Variants in PROM1 observed in about 807,000 individuals in gnomAD.
The protein encoded by PROM1 is prominin 1.
In PROM1, 105 loss-of-function variants were observed where a neutral mutation model predicts 116.9. That is an observed-to-expected ratio of 0.90 (90% CI 0.77 to 1.06). PROM1 has a LOEUF of 1.06. Ranked by LOEUF, PROM1 falls within the 50% of genes least tolerant of loss-of-function variation. PROM1 has a pLI of 0.00. For synonymous variants in PROM1, 393 were observed against 387.0 expected (o/e 1.02, Z -0.18); for missense variants, 1,122 against 1,045.2 (o/e 1.07, Z -1.01).
rs375443778 is a variant in PROM1, at chr4:15,993,969, A to G, written c.1767+18T>C. 1.6e-5 allele frequency: 25 copies of G among 1,609,986 alleles called. No homozygotes were observed. The African/African-American group carries it at 2.7e-4, about 17-fold the overall frequency. ...TGAAGGAATGTGTTATGTCGATTCC[A>G]TGACGAGTTCTAATTACCTCATTAA... On this transcript the variant is annotated intron_variant, in intron 16 of 27. Coordinates refer to ENST00000447510, the MANE Select transcript of PROM1 (RefSeq NM_006017.3).
Position 16,009,098 on chromosome 4 carries a change from C to G in PROM1, c.1152G>C (p.Arg384Ser), listed in dbSNP as rs201748228. Reference protein sequence around the residue: ...QTTTVVAGIKRVLNSIGSDID... With the variant: ...QTTTVVAGIKSVLNSIGSDID... ...TATCTGAACCAATGGAATTCAAGACCCTTTTGATACCTGAAAACAAAGATA... is the reference window on the plus strand; with the variant it reads ...TATCTGAACCAATGGAATTCAAGACGCTTTTGATACCTGAAAACAAAGATA... The change falls in exon 12 of 28, where the codon AGG (arginine) becomes AGC (serine). Residue 384 changes from arginine (R) to serine (S), a missense_variant. By Grantham distance (110) the Arg-to-Ser change is moderately radical. Transcript: ENST00000447510. The G allele has an allele frequency of 5.1e-5, 82 of 1,612,154 alleles. No homozygotes were observed. In the Admixed American group the frequency reaches 9.0e-4, roughly 18 times the overall value.
chr4:16,015,710 A>G (rs1211350496), intron 10 of PROM1, among the ~76,000 whole-genome samples: 1 of 151,920 alleles, frequency 6.6e-6, no homozygotes, highest in Non-Finnish European at 1.5e-5. Context: ...ACAAAACAAA[A>G]CAAAAAAACA....
At chr4:16,028,253 AT>A (rs1731817046) in intron 5 of PROM1, among the ~76,000 whole-genome samples, 1 of 152,252 alleles carries the variant, frequency 6.6e-6, no homozygotes, top group African/African-American at 2.4e-5. Context: ...TAAATTTTGT[AT>A]TTAAATTCTA....
At chr4:16,065,177 G>C (rs1419039527) in intron 2 of PROM1, among the ~76,000 whole-genome samples, 1 of 152,144 alleles carries the variant, frequency 6.6e-6, no homozygotes, top group Non-Finnish European at 1.5e-5. Context: ...GCAGCACCCT[G>C]ACGGCATGAC....
intron 8 of PROM1, among the ~76,000 whole-genome samples, chr4:16,019,326 A>G (rs961248367): frequency 6.6e-6 from 1 of 152,218 alleles, no homozygotes; most frequent in African/African-American, 2.4e-5. Flanking sequence ...TTGAATTTTG[A>G]ATTTTGAACT....
intron 1 of PROM1, chr4:16,076,557 G>T (rs551507901): frequency 6.6e-6 from 1 of 152,506 alleles, no homozygotes; most frequent in African/African-American, 2.4e-5. Context: ...AAGGTCACAG[G>T]TGATTAACCA....
At chr4:16,082,140 T>C (rs1456145679) in intron 1 of PROM1, 1 of 152,198 alleles carries the variant, frequency 6.6e-6, no homozygotes, top group African/African-American at 2.4e-5. Flanking sequence ...GGGGTCTGTC[T>C]GCTTCTGCTA....
At chr4:16,069,452 T>C (rs1348456503) in intron 2 of PROM1, among the ~76,000 whole-genome samples, 1 of 152,204 alleles carries the variant, frequency 6.6e-6, no homozygotes, top group Non-Finnish European at 1.5e-5. Context: ...ATGCATACTT[T>C]TAACGTGCAA....
chr4:16,016,169 T>C lies in PROM1; in HGVS notation c.1074A>G (p.Gln358=), dbSNP rs1256458534. ...TGTATTTTTTCCAAAAGCATACCTG[T>C]TGGACCAGGCCATCCAAATCTGTCC... The part of the protein sequence containing the change: ...VLRTDLDGLV[Q]QGYQSLNDIP... Residue 358 remains glutamine (Q), a synonymous_variant, in exon 10 of 28, where the codon CAA becomes CAG. Transcript: ENST00000447510. 6.4e-7 allele frequency: 1 copy of C among 1,553,970 alleles called. No homozygotes were observed. Among genetic ancestry groups the C allele is most frequent in the Non-Finnish European group, 8.7e-7 (1 of 1,147,882 alleles).
At chr4:16,036,870 T>C (rs577994808) in intron 3 of PROM1, among the ~76,000 whole-genome samples, 1 of 152,358 alleles carries the variant, frequency 6.6e-6, no homozygotes, top group Admixed American at 6.5e-5. Context: ...GTAGAAAGCA[T>C]GGTCCAGTTC....
chr4:16,025,717 A>G (rs1304939909), intron 5 of PROM1, among the ~76,000 whole-genome samples: 3 of 115,444 alleles, frequency 2.6e-5, no homozygotes, highest in East Asian at 2.7e-4. Flanking sequence ...ACACACACAC[A>G]CGCACACACA....
chr4:16,079,163 T>C (rs2149603524), intron 1 of PROM1, among the ~76,000 whole-genome samples: 1 of 152,298 alleles, frequency 6.6e-6, no homozygotes, highest in Middle Eastern at 3.4e-3. Context: ...AAGGCTCAGA[T>C]GCTGAGAAGG....
At position 15,992,950 on chromosome 4, in the gene PROM1, T is replaced by G. The variant is rs542426247; in HGVS notation, c.1768-559A>C. ...AGGGTTGTATTGATAGTCAGCAGTTTCCAGCAGCATGGAGTGCCTGCACGT... is the reference window on the plus strand; with the variant it reads ...AGGGTTGTATTGATAGTCAGCAGTTGCCAGCAGCATGGAGTGCCTGCACGT... On this transcript the variant is annotated intron_variant, in intron 16 of 27. Transcript: ENST00000447510. Among the ~76,000 whole-genome samples the G allele has an allele frequency of 7.9e-5, 12 of 152,324 alleles. No homozygotes were observed. The South Asian group carries it at 2.5e-3, about 32-fold the overall frequency.
Position 16,006,600 on chromosome 4 carries a change from G to T in PROM1, c.1392C>A (p.Asp464Glu). The T allele has an allele frequency of 6.2e-7, 1 of 1,608,704 alleles. No homozygotes were observed. The highest frequency in any genetic ancestry group is 1.1e-5 in the South Asian group (1 of 89,768). ...LGLLCGVCGY[D>E]RHATPTTRGC... ...CTCGGGTGGTCGGGGTGGCATGCCT[G>T]TCATAGCCGCACACGCCACACAGTA... Residue 464 changes from aspartate (D) to glutamate (E), a missense_variant, in exon 13 of 28, where the codon GAC becomes GAA. Physicochemically the swap from Asp to Glu is conservative, Grantham distance 45. Coordinates refer to ENST00000447510, the MANE Select transcript of PROM1 (RefSeq NM_006017.3).
At chr4:16,013,527 A>C (rs907847547) in intron 10 of PROM1, among the ~76,000 whole-genome samples, 189 bp from the exon 11 acceptor site, 1 of 152,230 alleles carries the variant, frequency 6.6e-6, no homozygotes, top group Non-Finnish European at 1.5e-5. Context: ...ATTGTCTTTA[A>C]ATTATATCAA....
At chr4:16,026,094 A>G (rs1731201824) in intron 5 of PROM1, among the ~76,000 whole-genome samples, 2 of 152,228 alleles carry the variant, frequency 1.3e-5, no homozygotes, top group African/African-American at 4.8e-5. Context: ...ACTTTCCTCC[A>G]TGTGAAATAT....
chr4:16,000,614 ACTCCACTGG>A lies in PROM1; in HGVS notation c.1455-4_1459del, dbSNP rs1409435774. 6.4e-7 allele frequency: 1 copy of A among 1,557,216 alleles called. No individual in the cohort carries two copies. The highest frequency in any genetic ancestry group is 1.8e-5 in the Admixed American group (1 of 54,054). ...CCAGCAAAAGAGGAAACTTAATCCA[ACTCCACTGG>A]AAAAAAATATAAAGTTAGTAATTCA... is the stretch of plus-strand genomic sequence containing the variant. On this transcript the variant is annotated splice_acceptor_variant and splice_polypyrimidine_tract_variant and coding_sequence_variant and intron_variant, in exon 14 of 28. Coordinates refer to ENST00000447510, the MANE Select transcript of PROM1 (RefSeq NM_006017.3). LOFTEE classifies it high-confidence loss of function.
intron 19 of PROM1, among the ~76,000 whole-genome samples, 189 bp from the exon 20 acceptor site, chr4:15,987,905 C>A (rs1266765394): frequency 1.5e-5 from 2 of 129,612 alleles, no homozygotes; most frequent in African/African-American, 5.9e-5. Flanking sequence ...GAGATGGAGT[C>A]TCGCTCTGTC....
At chr4:16,041,915 C>G (rs189310941) in intron 2 of PROM1, among the ~76,000 whole-genome samples, 6 of 151,810 alleles carry the variant, frequency 4.0e-5, no homozygotes, top group African/African-American at 1.5e-4. Flanking sequence ...GTTATCCTCC[C>G]CTCTCCCCTC....
Sources: gnomAD v4.1 joint callset for allele counts (sites outside exome capture counted in the v4.1 genomes callset) on GRCh38, gnomAD v4.1.1 for gene constraint, MANE v1.5 for transcripts, NCBI Gene and HGNC (gene_info 2026-07-23, HGNC 2026-07-21) for gene names.